The following CNGB1 variants were observed in gnomAD, a reference collection of about 807,000 sequenced individuals.
CNGB1 encodes the protein cyclic nucleotide gated channel subunit beta 1, also known as cyclic nucleotide-gated channel beta-1.
A neutral mutation model predicts 151.7 loss-of-function variants in CNGB1; 126 were observed. That is an observed-to-expected ratio of 0.83 (90% CI 0.72 to 0.96). The LOEUF (loss-of-function observed/expected upper bound fraction) is 0.96, where lower values mean the gene tolerates loss of function less well. Ranked by LOEUF, CNGB1 falls within the 40% of genes least tolerant of loss-of-function variation. The probability of loss-of-function intolerance (pLI) is 0.00; values close to 1 mark genes in which losing one functional copy is unlikely to be tolerated. For missense variants in CNGB1, 1,698 were observed against 1,627.0 expected, an observed-to-expected ratio of 1.04 and a Z score of -0.75; for synonymous variants, 623 against 635.1, an observed-to-expected ratio of 0.98 and a Z score of 0.29.
At chr16:57,916,796 T>C (rs936132483) in intron 21 of CNGB1, among the ~76,000 whole-genome samples, 1 of 152,106 alleles carries the variant, frequency 6.6e-6, no homozygotes, top group Non-Finnish European at 1.5e-5. Context: ...AGCATCAGTG[T>C]GTTTTTGCAG....
chr16:57,940,914 A>G (rs947823126), intron 14 of CNGB1, among the ~76,000 whole-genome samples: 2 of 152,128 alleles, frequency 1.3e-5, no homozygotes, highest in Non-Finnish European at 2.9e-5. Context: ...GCAGGCATAC[A>G]TAAGTGATAG....
At chr16:57,890,105 T>C (rs1289686465) in intron 31 of CNGB1, among the ~76,000 whole-genome samples, 5 of 152,188 alleles carry the variant, frequency 3.3e-5, no homozygotes, top group Non-Finnish European at 5.9e-5. Context: ...GGTGAGCAGT[T>C]TGTCTCAAGA....
At chr16:57,920,234 CAT>C (rs1205827375) in intron 19 of CNGB1, among the ~76,000 whole-genome samples, 151 bp downstream of exon 19, 2 of 152,194 alleles carry the variant, frequency 1.3e-5, no homozygotes, top group Non-Finnish European at 2.9e-5. Flanking sequence ...TCAACCTGTA[CAT>C]ATGGATCCCA....
chr16:57,941,287 T>G (rs899650924), intron 14 of CNGB1, among the ~76,000 whole-genome samples: 4 of 152,060 alleles, frequency 2.6e-5, no homozygotes, highest in African/African-American at 9.7e-5. Context: ...CCCCTCAGAC[T>G]CCTGTCATCC....
rs377216982 is a variant in CNGB1, at chr16:57,901,443, G to C, written c.2893-8C>G. 3.3e-5 allele frequency: 54 copies of C among 1,614,062 alleles called. No individual in the cohort carries two copies. The African/African-American group carries it at 6.9e-4, about 21-fold the overall frequency. ...CATCTGCCGGTCACAGCCCTGTCCC[G>C]GTGAGGAAGGGAAAGGAACTTTTTA... On this transcript the variant is annotated splice_region_variant and splice_polypyrimidine_tract_variant and intron_variant, in intron 28 of 32. Transcript: ENST00000251102.
At chr16:57,962,768 G>T in intron 6 of CNGB1, 74 bp downstream of exon 6, 5 of 1,593,176 alleles carry the variant, frequency 3.1e-6, no homozygotes, top group African/African-American at 1.3e-5. Flanking sequence ...GCTCCCAAGG[G>T]GCAGGGCCCA....
Position 57,919,204 on chromosome 16 carries a change from C to T in CNGB1, c.1852G>A (p.Ala618Thr). The T allele has an allele frequency of 6.2e-7, 1 of 1,614,212 alleles. No homozygotes were observed. ...TAGTGCTCCTCTTCCACTGGCTCGG[C>T]TTCAGCGGGCTTTGTGTCTGGAGCT... ...EPAPDTKPAE[A>T]EPVEEEHYCD... Residue 618 changes from alanine (A) to threonine (T), a missense_variant, in exon 20 of 33, where the codon GCC (alanine) becomes ACC (threonine). Transcript: ENST00000251102.
chr16:57,960,390 G>A (rs1962213091), intron 9 of CNGB1, 92 bp downstream of exon 9: 4 of 1,492,032 alleles, frequency 2.7e-6, no homozygotes, highest in Non-Finnish European at 3.7e-6. Flanking sequence ...GGGGGCTAAG[G>A]GCCTCTGGGG....
At chr16:57,892,596 T>A (rs758676566) in intron 31 of CNGB1, among the ~76,000 whole-genome samples, 15 of 152,096 alleles carry the variant, frequency 9.9e-5, no homozygotes, top group Non-Finnish European at 4.4e-5. Flanking sequence ...CCTAAGGCAC[T>A]TCAAGTCACT....
intron 17 of CNGB1, among the ~76,000 whole-genome samples, chr16:57,923,622 G>A (rs1175310300): frequency 6.6e-6 from 1 of 152,174 alleles, no homozygotes; most frequent in East Asian, 1.9e-4. Context: ...AAAGGTAACA[G>A]CATTGGTATT....
chr16:57,966,306 C>G lies in CNGB1; in HGVS notation c.159+822G>C, dbSNP rs1244514201. Among the ~76,000 whole-genome samples the G allele has an allele frequency of 3.9e-5, 6 of 152,328 alleles. No homozygotes were observed. The East Asian group carries it at 1.2e-3, about 29-fold the overall frequency. On this transcript the variant is annotated intron_variant, in intron 2 of 32. Transcript: ENST00000251102. ...GGCTGGGCTCTTGTCTGCTGAGTCC[C>G]CGGGGCAATGCCTATTCATCTTTAT...
At chr16:57,925,237 A>G (rs1375279468) in intron 17 of CNGB1, among the ~76,000 whole-genome samples, 1 of 151,920 alleles carries the variant, frequency 6.6e-6, no homozygotes, top group Non-Finnish European at 1.5e-5. Flanking sequence ...TCCCAACCTC[A>G]GGTGATCCAC....
chr16:57,962,771 A>C, intron 6 of CNGB1, 71 bp downstream of exon 6: 4 of 1,587,718 alleles, frequency 2.5e-6, no homozygotes, highest in East Asian at 2.2e-5. Context: ...CCCAAGGGGC[A>C]GGGCCCATCC....
intron 12 of CNGB1, 138 bp downstream of exon 12, chr16:57,957,203 C>A: frequency 1.3e-6 from 1 of 744,530 alleles, no homozygotes; most frequent in East Asian, 2.7e-5. Flanking sequence ...CAGCTCCAGC[C>A]CAGGAGACCC....
rs763247427 is a variant in CNGB1 at position 57,884,125 on chromosome 16, A to T, written c.*39T>A. 1 of 1,613,358 alleles carries T rather than the reference A, an allele frequency of 6.2e-7. No individual in the cohort carries two copies. The highest frequency in any genetic ancestry group is 1.1e-5 in the South Asian group (1 of 91,062). ...GGGGCGCAGCGGGCGCTGGGGACAC[A>T]CCTGCTGGAACTGCGCGCGGGATCC... is the stretch of plus-strand genomic sequence containing the variant. On this transcript the variant is annotated 3_prime_UTR_variant, in exon 33 of 33. Coordinates refer to ENST00000251102, the MANE Select transcript of CNGB1 (RefSeq NM_001297.5).
intron 31 of CNGB1, among the ~76,000 whole-genome samples, chr16:57,891,687 G>T (rs1019585636): frequency 6.6e-6 from 1 of 152,028 alleles, no homozygotes; most frequent in Non-Finnish European, 1.5e-5. Context: ...CTCCCGGGTA[G>T]CTGGGATGAT....
intron 15 of CNGB1, 39 bp downstream of exon 15, chr16:57,940,195 C>T (rs1370394355): frequency 2.0e-6 from 3 of 1,535,242 alleles, no homozygotes; most frequent in Non-Finnish European, 1.8e-6. Context: ...CAATGCCAAG[C>T]CAGGCCTCAG....
At chr16:57,914,632 A>G (rs1960812682) in intron 23 of CNGB1, among the ~76,000 whole-genome samples, 1 of 152,194 alleles carries the variant, frequency 6.6e-6, no homozygotes, top group Non-Finnish European at 1.5e-5. Context: ...ATCCACCCTG[A>G]TCACGTGACA....
At chr16:57,923,470 G>C (rs1333516221) in intron 17 of CNGB1, 90 bp from the exon 18 acceptor site, 4 of 1,066,200 alleles carry the variant, frequency 3.8e-6, no homozygotes, top group Admixed American at 1.8e-5. Flanking sequence ...AGATCATCTA[G>C]AGCCAATTCC....
Sources: gnomAD v4.1 joint callset for allele counts (sites outside exome capture counted in the v4.1 genomes callset) on GRCh38, gnomAD v4.1.1 for gene constraint, MANE v1.5 for transcripts, NCBI Gene and HGNC (gene_info 2026-07-23, HGNC 2026-07-21) for gene names.